The following YIPF5 variants were observed in gnomAD, a reference collection of about 807,000 sequenced individuals.
YIPF5 encodes the protein Yip1 domain family member 5, also known as protein YIPF5.
YIPF5 carries 8 observed loss-of-function variants against 30.4 expected under a neutral mutation model. The ratio of observed to expected loss-of-function variants is 0.26; its 90% CI spans 0.15 to 0.47. The LOEUF (loss-of-function observed/expected upper bound fraction) is 0.47, where lower values mean the gene tolerates loss of function less well. Ranked by LOEUF, YIPF5 falls within the 20% of genes least tolerant of loss-of-function variation. The pLI, the probability that YIPF5 is intolerant of heterozygous loss-of-function variation, is 0.99. For synonymous variants in YIPF5, 104 were observed against 107.9 expected (o/e 0.96, Z 0.23); for missense variants, 282 against 301.8 (o/e 0.93, Z 0.49).
chr5:144,161,333 CTTTTTTTTTTT>C (rs57703406), intron 5 of YIPF5, among the ~76,000 whole-genome samples: 37 of 64,690 alleles, frequency 5.7e-4, no homozygotes, highest in African/African-American at 2.2e-3. Flanking sequence ...CCTTTCCTTC[CTTTTTTTTTTT>C]TTTTTTTTTT....
intron 4 of YIPF5, among the ~76,000 whole-genome samples, chr5:144,163,482 G>C (rs1239029823): frequency 6.6e-6 from 1 of 152,134 alleles, no homozygotes; most frequent in Non-Finnish European, 1.5e-5. Context: ...GGAAACTGAA[G>C]GATTAAATGA....
chr5:144,160,218 A>G lies in YIPF5; in HGVS notation c.*179T>C. 1 of 1,407,810 alleles carries G rather than the reference A, an allele frequency of 7.1e-7. No homozygotes were observed. The highest frequency in any genetic ancestry group is 9.2e-7 in the Non-Finnish European group (1 of 1,082,850). The allele number at this position is 1,407,810 out of a possible 1,614,324, so 87.2% of individuals were successfully genotyped here. ...GCTAGTCACACCGCAGGTAAATCCAATATAGTATGCAAAAGTTCTATAAAA... is the reference window on the plus strand; with the variant it reads ...GCTAGTCACACCGCAGGTAAATCCAGTATAGTATGCAAAAGTTCTATAAAA... On this transcript the variant is annotated 3_prime_UTR_variant, in exon 6 of 6. Transcript: ENST00000274496.
intron 2 of YIPF5, among the ~76,000 whole-genome samples, chr5:144,168,544 A>G (rs1752263445): frequency 6.6e-6 from 1 of 152,212 alleles, no homozygotes; most frequent in African/African-American, 2.4e-5. Context: ...ACCTCAATAC[A>G]AATTTTCCAA....
In YIPF5 at chr5:144,158,500, A is replaced by C. The variant is rs115282675; in HGVS notation, c.*1897T>G. ...GCTGAAGATTAACAGTGTTAAGTCTAACCAACAGCGAGATAATTTTAATTT... is the reference window on the plus strand; with the variant it reads ...GCTGAAGATTAACAGTGTTAAGTCTCACCAACAGCGAGATAATTTTAATTT... On this transcript the variant is annotated 3_prime_UTR_variant, in exon 6 of 6. Coordinates refer to ENST00000274496, the MANE Select transcript of YIPF5 (RefSeq NM_030799.9). The C allele has an allele frequency of 1.1e-3, 1,332 of 1,223,638 alleles. 20 individuals are homozygous for C. The African/African-American group carries it at 0.02, about 18-fold the overall frequency. 75.8% of individuals were successfully genotyped at this position (1,223,638 alleles called of 1,614,324 possible). A position where few individuals can be genotyped will look rare whatever the true frequency, so the allele number is the denominator to read the frequency against.
rs1345964994 is a variant in YIPF5, at chr5:144,160,548, C to G, written c.623G>C (p.Gly208Ala). The G allele has an allele frequency of 1.9e-6, 3 of 1,612,212 alleles. No homozygotes were observed. The highest frequency in any genetic ancestry group is 2.5e-6 in the Non-Finnish European group (3 of 1,179,380). ...AVIFSLQGMV[G>A]IILTAGIIGW... ...AATAATCCCAGCAGTGAGAATGATT[C>G]CTACCATTCCTCTGTAAACAACAAG... is the stretch of plus-strand genomic sequence containing the variant. Residue 208 changes from glycine (G) to alanine (A), a missense_variant, in exon 6 of 6, where the codon GGA (glycine) becomes GCA (alanine). Transcript: ENST00000274496.
Position 144,158,220 on chromosome 5 carries a change from G to A in YIPF5, c.*2177C>T. On this transcript the variant is annotated 3_prime_UTR_variant, in exon 6 of 6. Coordinates refer to ENST00000274496, the MANE Select transcript of YIPF5 (RefSeq NM_030799.9). ...TATATAAATATGCCTACATAACAGA[G>A]TTTGATAAGAGAAGTTTTGGCTATA... 1 of 316,712 alleles carries A rather than the reference G, an allele frequency of 3.2e-6. No homozygotes were observed. Among genetic ancestry groups the A allele is most frequent in the Non-Finnish European group, 5.9e-6 (1 of 170,248 alleles). 19.6% of individuals were successfully genotyped at this position (316,712 alleles called of 1,614,324 possible). A position where few individuals can be genotyped will look rare whatever the true frequency, so the allele number is the denominator to read the frequency against.
chr5:144,166,896 A>T (rs1479226634), intron 2 of YIPF5, among the ~76,000 whole-genome samples: 3 of 152,180 alleles, frequency 2.0e-5, no homozygotes, highest in African/African-American at 7.2e-5. Flanking sequence ...AGAGTGATGA[A>T]TAATATGATG....
In YIPF5 at chr5:144,158,479, A is replaced by C. The variant is rs753484770; in HGVS notation, c.*1918T>G. The C allele has an allele frequency of 8.7e-6, 11 of 1,271,180 alleles. No homozygotes were observed. Among genetic ancestry groups the C allele is most frequent in the Non-Finnish European group, 3.1e-6 (3 of 983,132 alleles). 78.7% of individuals were successfully genotyped at this position (1,271,180 alleles called of 1,614,324 possible). On this transcript the variant is annotated 3_prime_UTR_variant, in exon 6 of 6. Coordinates refer to ENST00000274496, the MANE Select transcript of YIPF5 (RefSeq NM_030799.9). Reference sequence around the variant, plus strand: ...TTGATCCATATGTGATATTTGGCTGAAGATTAACAGTGTTAAGTCTAACCA... The same window carrying C: ...TTGATCCATATGTGATATTTGGCTGCAGATTAACAGTGTTAAGTCTAACCA...
chr5:144,170,064 T>C (rs1432982502), intron 1 of YIPF5, 99 bp from the exon 2 acceptor site: 1 of 933,758 alleles, frequency 1.1e-6, no homozygotes, highest in East Asian at 2.5e-5. Context: ...CAACAAATAT[T>C]TTTTCAGTAA....
chr5:144,161,307 T>C (rs924156700), intron 5 of YIPF5, among the ~76,000 whole-genome samples: 1 of 150,650 alleles, frequency 6.6e-6, no homozygotes, highest in African/African-American at 2.4e-5. Context: ...AGGAACCTTA[T>C]TGGCGGTAAT....
At chr5:144,166,721 G>A (rs1431921830) in intron 2 of YIPF5, among the ~76,000 whole-genome samples, 2 of 152,158 alleles carry the variant, frequency 1.3e-5, no homozygotes, top group Non-Finnish European at 2.9e-5. Flanking sequence ...CGTAGAGGCA[G>A]TAATTGTACT....
chr5:144,169,920 G>C lies in YIPF5; in HGVS notation c.36C>G (p.Tyr12Ter). Residue 12 changes from tyrosine (Y) to a stop codon, truncating the protein, a stop_gained, in exon 2 of 6, where the codon TAC becomes TAG. Coordinates refer to ENST00000274496, the MANE Select transcript of YIPF5 (RefSeq NM_030799.9). LOFTEE classifies it high-confidence loss of function. The part of the protein sequence containing the change: ...SGFENLNTDF[Y>*]QTSYSIDDQS... The stretch of plus-strand genomic sequence containing the variant: ...GATCATCGATGCTGTAACTTGTCTG[G>C]TAGAAATCCGTGTTTAAGTTTTCAA... 3 of 1,614,198 alleles carry C rather than the reference G, an allele frequency of 1.9e-6. No homozygotes were observed. Among genetic ancestry groups the C allele is most frequent in the Non-Finnish European group, 2.5e-6 (3 of 1,180,030 alleles).
Position 144,169,930 on chromosome 5 carries a change from G to A in YIPF5, c.26C>T (p.Thr9Met). The A allele has an allele frequency of 1.9e-6, 3 of 1,614,168 alleles. No homozygotes were observed. Among genetic ancestry groups the A allele is most frequent in the Non-Finnish European group, 1.7e-6 (2 of 1,180,016 alleles). The stretch of plus-strand genomic sequence containing the variant: ...GCTGTAACTTGTCTGGTAGAAATCC[G>A]TGTTTAAGTTTTCAAAGCCTGACAT... MSGFENLNTDFYQTSYSID... is the reference protein window; with the variant it reads MSGFENLNMDFYQTSYSID... Residue 9 changes from threonine (T) to methionine (M), a missense_variant, in exon 2 of 6, where the codon ACG (threonine) becomes ATG (methionine). Thr to Met is a moderately conservative substitution (Grantham distance 81, BLOSUM62 -1). Transcript: ENST00000274496.
At chr5:144,166,633 C>T (rs1383538606) in intron 2 of YIPF5, among the ~76,000 whole-genome samples, 1 of 152,066 alleles carries the variant, frequency 6.6e-6, no homozygotes, top group Non-Finnish European at 1.5e-5. Flanking sequence ...TCTGAATAAC[C>T]ATAGTTTATC....
rs1258449189 is a variant in YIPF5 at position 144,169,985 on chromosome 5, G to A, written c.-10-20C>T. ...AATAATCTGTAATAAAAGAGAAATG[G>A]CAAATATTCCTTATGCCCAAGGTTC... is the stretch of plus-strand genomic sequence containing the variant. On this transcript the variant is annotated intron_variant, in intron 1 of 5. Transcript: ENST00000274496. 1.9e-6 allele frequency: 3 copies of A among 1,589,836 alleles called. No individual in the cohort carries two copies. Among genetic ancestry groups the A allele is most frequent in the Non-Finnish European group, 2.6e-6 (3 of 1,158,262 alleles).
At chr5:144,170,126 GGA>G (rs1486158142) in intron 1 of YIPF5, among the ~76,000 whole-genome samples, 161 bp from the exon 2 acceptor site, 1 of 152,206 alleles carries the variant, frequency 6.6e-6, no homozygotes, top group Non-Finnish European at 1.5e-5. Context: ...CGACGGTAGC[GGA>G]GAGAGAGTAA....
At chr5:144,165,737 A>G (rs903456648) in intron 2 of YIPF5, 133 bp from the exon 3 acceptor site, 2 of 757,558 alleles carry the variant, frequency 2.6e-6, no homozygotes, top group Non-Finnish European at 4.0e-6. Flanking sequence ...AAACTTTGCC[A>G]ATTTTTATAA....
chr5:144,162,177 G>A (rs758263413), intron 5 of YIPF5, 41 bp downstream of exon 5: 8 of 1,590,546 alleles, frequency 5.0e-6, no homozygotes, highest in African/African-American at 1.3e-5. Context: ...CTACTACATA[G>A]AATTGGTCAA....
In YIPF5 at chr5:144,159,770, G is replaced by GTGA. The variant is rs1751976178; in HGVS notation, c.*624_*626dup. The GTGA allele has an allele frequency of 1.2e-6, 1 of 800,580 alleles. No individual in the cohort carries two copies. Among genetic ancestry groups the GTGA allele is most frequent in the Non-Finnish European group, 1.5e-6 (1 of 668,388 alleles). The allele number at this position is 800,580 out of a possible 1,614,324, so 49.6% of individuals were successfully genotyped here. A position where few individuals can be genotyped will look rare whatever the true frequency, so the allele number is the denominator to read the frequency against. ...CCCAGGCTGGATGGAGTGCAGTGGTGTGATCTCGGCTCACTGCAAGCTCCG... is the reference window on the plus strand; with the variant it reads ...CCCAGGCTGGATGGAGTGCAGTGGTGTGATGATCTCGGCTCACTGCAAGCTCCG... On this transcript the variant is annotated 3_prime_UTR_variant, in exon 6 of 6. Coordinates refer to ENST00000274496, the MANE Select transcript of YIPF5 (RefSeq NM_030799.9).
Sources: gnomAD v4.1 joint callset for allele counts (sites outside exome capture counted in the v4.1 genomes callset) on GRCh38, gnomAD v4.1.1 for gene constraint, MANE v1.5 for transcripts, NCBI Gene and HGNC (gene_info 2026-07-23, HGNC 2026-07-21) for gene names.